Variants in ZNF730 observed in about 807,000 individuals in gnomAD.
The protein encoded by ZNF730 is putative zinc finger protein 730.
In ZNF730, 12 loss-of-function variants were observed where a neutral mutation model predicts 12.6. The observed-to-expected ratio is 0.95, with a 90% CI of 0.61 to 1.54. The LOEUF (loss-of-function observed/expected upper bound fraction) is 1.54. Among genes scored for constraint, ZNF730 ranks in the 40% most tolerant of loss-of-function variants. The pLI is 0.00. For missense variants in ZNF730, 643 were observed against 583.5 expected (o/e 1.10, Z -1.05); for synonymous variants, 194 against 195.8 (o/e 0.99, Z 0.08).
chr19:23,114,408 G>A (rs1012294422), upstream of ZNF730, among the ~76,000 whole-genome samples: 6 of 143,106 alleles, frequency 4.2e-5, no homozygotes, highest in Admixed American at 7.4e-5. Flanking sequence ...CCGGGTTCTC[G>A]CCATTCTCCT....
chr19:23,127,608 C>G lies in ZNF730; in HGVS notation c.4-6472C>G. On this transcript the variant is annotated intron_variant, in intron 1 of 3. Transcript: ENST00000597761. ...TCATGTTGCTGAACAACAGAAAACT[C>G]ATTTTGTTTAAAATTTGGCAATAAA... The G allele has an allele frequency of 1.1e-5, 11 of 988,562 alleles. No individual in the cohort carries two copies. The South Asian group carries it at 1.4e-4, about 13-fold the overall frequency. The allele number at this position is 988,562 out of a possible 1,614,324, so 61.2% of individuals were successfully genotyped here.
At chr19:23,085,493 C>T (rs111877414) in intron 1 of ZNF730, among the ~76,000 whole-genome samples, 15,102 of 131,820 alleles carry the variant, frequency 0.11, 1,238 homozygotes, top group African/African-American at 0.22. Flanking sequence ...CCACCATGCC[C>T]GTCTTTTTTT....
At chr19:23,114,963 G>A (rs1189791917), upstream of ZNF730, among the ~76,000 whole-genome samples, 2 of 151,906 alleles carry the variant, frequency 1.3e-5, no homozygotes, top group African/African-American at 2.4e-5. Flanking sequence ...TTTTTTTCAT[G>A]AAGACAGGAT....
At position 23,121,146 on chromosome 19, in the gene ZNF730, C is replaced by T. The variant is rs565526911; in HGVS notation, c.3+3970C>T. Among the ~76,000 whole-genome samples the T allele has an allele frequency of 2.0e-5, 3 of 152,194 alleles. No individual in the cohort carries two copies. In the South Asian group the frequency reaches 6.2e-4, roughly 32 times the overall value. ...GTGGTCAGTTTTAGAGTATTTGACA[C>T]GTGGTGGTGAGAAGAGTGTATACTG... On this transcript the variant is annotated intron_variant, in intron 1 of 3. Transcript: ENST00000597761.
chr19:23,096,563 G>T (rs1970255694), intron 1 of ZNF730, among the ~76,000 whole-genome samples: 2 of 152,176 alleles, frequency 1.3e-5, no homozygotes, highest in South Asian at 4.1e-4. Flanking sequence ...TGCCAACTGG[G>T]GTGTTTGTTA....
At chr19:23,111,476 G>A (rs1970460106) in intron 1 of ZNF730, among the ~76,000 whole-genome samples, 1 of 152,180 alleles carries the variant, frequency 6.6e-6, no homozygotes. Flanking sequence ...GCTGGGCATG[G>A]TGGCTTATGC....
At chr19:23,087,902 C>T (rs1008566310) in intron 1 of ZNF730, among the ~76,000 whole-genome samples, 1 of 151,468 alleles carries the variant, frequency 6.6e-6, no homozygotes, top group African/African-American at 2.4e-5. Flanking sequence ...TGTGAGCCAC[C>T]ACACTCAGCC....
In ZNF730 at chr19:23,134,059, GTGTT is replaced by G. The variant is rs748800319; in HGVS notation, c.4-13_4-10del. 8.7e-6 allele frequency: 14 copies of G among 1,611,760 alleles called. No homozygotes were observed. Among genetic ancestry groups the G allele is most frequent in the East Asian group, 6.7e-5 (3 of 44,726 alleles). ...GCCCAGGGGCACTTGGTAAATATGT[GTGTT>G]TGTTTGTGTTTTTCAGGGAGCGTTG... On this transcript the variant is annotated splice_polypyrimidine_tract_variant and intron_variant, in intron 1 of 3. Transcript: ENST00000597761.
intron 3 of ZNF730, among the ~76,000 whole-genome samples, chr19:23,141,967 CTATG>C (rs964682859): frequency 6.1e-4 from 93 of 152,204 alleles, no homozygotes; most frequent in African/African-American, 2.2e-3. Context: ...ATATTGCTCT[CTATG>C]TGTTTCTTTT....
Position 23,082,170 on chromosome 19 carries a change from C to T in ZNF730, c.-94+6783C>T, listed in dbSNP as rs567467377. ...CTTAATATTTGTTAAGTAACCTCTT[C>T]CCATCCTCCCACTTTAGTCTCTGGT... On this transcript the variant is annotated intron_variant, in intron 1 of 2. Transcript: ENST00000593635. Among the ~76,000 whole-genome samples, 4 of 152,276 alleles carry T rather than the reference C, an allele frequency of 2.6e-5. No homozygotes were observed. The South Asian group carries it at 8.3e-4, about 32-fold the overall frequency.
In ZNF730 at chr19:23,145,960, C is replaced by G; in HGVS notation, c.916C>G (p.His306Asp). 2 of 1,607,180 alleles carry G rather than the reference C, an allele frequency of 1.2e-6. No homozygotes were observed. Among genetic ancestry groups the G allele is most frequent in the Non-Finnish European group, 1.7e-6 (2 of 1,178,328 alleles). ...SSNLTEHKKI[H>D]TKEQPYKCEK... ...AAACCTTACTGAACATAAGAAAATT[C>G]ATACTAAAGAGCAACCATACAAATG... The change falls in exon 4 of 4, where the codon CAT becomes GAT. Residue 306 changes from histidine (H) to aspartate (D), a missense_variant. Transcript: ENST00000597761.
At chr19:23,075,544 C>T (rs893957067) in intron 1 of ZNF730, among the ~76,000 whole-genome samples, 1 of 152,158 alleles carries the variant, frequency 6.6e-6, no homozygotes, top group African/African-American at 2.4e-5. Flanking sequence ...CGGCTGGGCC[C>T]GCGGCCGGGA....
At chr19:23,116,991 G>A, upstream of ZNF730, 2 of 932,250 alleles carry the variant, frequency 2.1e-6, no homozygotes, top group South Asian at 2.4e-5. Flanking sequence ...GCCCGCAGCT[G>A]GAGCAGACAG....
chr19:23,090,541 A>G (rs760802079), intron 1 of ZNF730, among the ~76,000 whole-genome samples: 3 of 152,194 alleles, frequency 2.0e-5, no homozygotes, highest in Non-Finnish European at 4.4e-5. Context: ...AATAGAAAAG[A>G]AAACCCCATT....
At chr19:23,087,363 G>A (rs570962042) in intron 1 of ZNF730, among the ~76,000 whole-genome samples, 2 of 152,050 alleles carry the variant, frequency 1.3e-5, no homozygotes, top group East Asian at 1.9e-4. Context: ...AGTCGAGATC[G>A]CACCACTGCA....
At chr19:23,121,170 T>C (rs1351379111) in intron 1 of ZNF730, among the ~76,000 whole-genome samples, 1 of 152,204 alleles carries the variant, frequency 6.6e-6, no homozygotes, top group Non-Finnish European at 1.5e-5. Context: ...GAGTGTATAC[T>C]GTGTAGATTT....
At chr19:23,096,227 G>T (rs922836125) in intron 1 of ZNF730, among the ~76,000 whole-genome samples, 10 of 152,128 alleles carry the variant, frequency 6.6e-5, no homozygotes, top group Non-Finnish European at 1.2e-4. Context: ...CCAGCATCTA[G>T]GTGATGTAAC....
intron 1 of ZNF730, among the ~76,000 whole-genome samples, chr19:23,129,876 C>T (rs562811766): frequency 2.0e-5 from 3 of 151,784 alleles, no homozygotes; most frequent in Admixed American, 1.3e-4. Context: ...CACCTGTAGT[C>T]CCAGCTACTC....
At chr19:23,139,171 T>C (rs981120937) in intron 3 of ZNF730, among the ~76,000 whole-genome samples, 5 of 152,192 alleles carry the variant, frequency 3.3e-5, no homozygotes, top group Admixed American at 2.6e-4. Context: ...AAAAATAACA[T>C]GATTTATTCT....
Sources: allele counts gnomAD v4.1 joint callset (sites outside exome capture counted in the v4.1 genomes callset), GRCh38; gene constraint gnomAD v4.1.1; transcripts MANE v1.5; gene names NCBI Gene and HGNC (gene_info 2026-07-23, HGNC 2026-07-21).